Variants in RARS1 observed in about 807,000 individuals in gnomAD.
RARS1 encodes arginyl-tRNA synthetase 1.
RARS1 carries 75 observed loss-of-function variants against 78.7 expected under a neutral mutation model. The observed-to-expected ratio is 0.95, with a 90% CI of 0.79 to 1.15. The LOEUF (loss-of-function observed/expected upper bound fraction) is 1.15. Ranked by LOEUF, RARS1 falls within the 50% of genes most tolerant of loss-of-function variation. The pLI is 0.00. For synonymous variants in RARS1, 273 were observed against 268.2 expected (o/e 1.02, Z -0.18); for missense variants, 787 against 787.5 (o/e 1.00, Z 0.01).
intron 14 of RARS1, 26 bp downstream of exon 14, chr5:168,518,088 T>TTTTTTTTTTTTTTTTTTTTTTTTTG (rs1758712821): frequency 7.0e-7 from 1 of 1,429,080 alleles, no homozygotes. Context: ...TTTTTTTTTT[T>TTTTTTTTTTTTTTTTTTTTTTTTTG]TTTTTTTAGT....
At chr5:168,488,138 T>A (rs1758006093) in intron 1 of RARS1, 1 of 374,208 alleles carries the variant, frequency 2.7e-6, no homozygotes, top group Non-Finnish European at 5.2e-6. Flanking sequence ...TTCTTTTTCT[T>A]TTTTTTTGAA....
In RARS1 at chr5:168,488,610, G is replaced by T; in HGVS notation, c.54G>T (p.Glu18Asp). 3.7e-6 allele frequency: 6 copies of T among 1,604,974 alleles called. 1 individual carries two copies. The South Asian group carries it at 6.8e-5, about 18-fold the overall frequency. ...TGCTTTTTTTCCCACAGGAAGAAGAGATTAAATCTCTGACTGCTGAAATTG... is the reference window on the plus strand; with the variant it reads ...TGCTTTTTTTCCCACAGGAAGAAGATATTAAATCTCTGACTGCTGAAATTG... ...CSARLLQQEEEIKSLTAEIDR... is the reference protein window; with the variant it reads ...CSARLLQQEEDIKSLTAEIDR... The change falls in exon 2 of 15, where the codon GAG becomes GAT. Residue 18 changes from glutamate (E) to aspartate (D), a missense_variant. Physicochemically the swap from Glu to Asp is conservative, Grantham distance 45 (BLOSUM62 2). Transcript: ENST00000231572.
rs750173629 is a variant in RARS1 at position 168,492,816 on chromosome 5, A to G, written c.338A>G (p.Tyr113Cys). Residue 113 changes from tyrosine to cysteine, a missense_variant, in exon 3 of 15, where the codon TAT (tyrosine) becomes TGT (cysteine). Physicochemically the swap from Tyr to Cys is radical, Grantham distance 194 (BLOSUM62 -2). Coordinates refer to ENST00000231572, the MANE Select transcript of RARS1 (RefSeq NM_002887.4). ...TPSQQAKFGDYQCNSAMGISQ... is the reference protein window; with the variant it reads ...TPSQQAKFGDCQCNSAMGISQ... ...AGTCAGCAGGCCAAGTTTGGGGACT[A>G]TCAGTGTAATAGTGCTATGGGTATT... 1 of 1,613,716 alleles carries G rather than the reference A, an allele frequency of 6.2e-7. No individual in the cohort carries two copies. Among genetic ancestry groups the G allele is most frequent in the Non-Finnish European group, 8.5e-7 (1 of 1,179,634 alleles).
intron 5 of RARS1, 151 bp from the exon 6 acceptor site, chr5:168,495,163 AC>A (rs1758158585): frequency 1.5e-6 from 2 of 1,312,582 alleles, no homozygotes; most frequent in Admixed American, 5.0e-5. Flanking sequence ...TGGTTGAATT[AC>A]GGCCCAAATT....
At chr5:168,511,611 G>A (rs1210499324) in intron 12 of RARS1, among the ~76,000 whole-genome samples, 1 of 152,104 alleles carries the variant, frequency 6.6e-6, no homozygotes, top group Non-Finnish European at 1.5e-5. Context: ...TCTGCCTGAT[G>A]ACAAAAATTG....
intron 4 of RARS1, 41 bp from the exon 5 acceptor site, chr5:168,494,509 G>A (rs762630451): frequency 6.2e-7 from 1 of 1,603,948 alleles, no homozygotes; most frequent in African/African-American, 1.3e-5. Flanking sequence ...GATTATTCAA[G>A]ATAAGACAGT....
At position 168,506,711 on chromosome 5, in the gene RARS1, T is replaced by A. The variant is rs530944964; in HGVS notation, c.1237-11T>A. ...AGAAGACTAGCAAGTAACTTTCCGTTTCTGTTGTAGTCTGTGCACTTCCAG... is the reference window on the plus strand; with the variant it reads ...AGAAGACTAGCAAGTAACTTTCCGTATCTGTTGTAGTCTGTGCACTTCCAG... On this transcript the variant is annotated splice_polypyrimidine_tract_variant and intron_variant, in intron 10 of 14. Transcript: ENST00000231572. 6.3e-7 allele frequency: 1 copy of A among 1,588,164 alleles called. No individual in the cohort carries two copies. Among genetic ancestry groups the A allele is most frequent in the Non-Finnish European group, 8.6e-7 (1 of 1,164,788 alleles).
chr5:168,494,326 T>C, intron 4 of RARS1: 1 of 985,366 alleles, frequency 1.0e-6, no homozygotes, highest in Non-Finnish European at 1.2e-6. Flanking sequence ...TTGCTGAAAG[T>C]GAAAGGGCCC....
chr5:168,514,695 T>TTAAC (rs1230856326), intron 12 of RARS1, among the ~76,000 whole-genome samples: 1 of 152,206 alleles, frequency 6.6e-6, no homozygotes, highest in African/African-American at 2.4e-5. Context: ...TACAATACCA[T>TTAAC]TAACTAATCT....
intron 7 of RARS1, 46 bp from the exon 8 acceptor site, chr5:168,500,545 T>C (rs186092341): frequency 7.2e-7 from 1 of 1,391,410 alleles, no homozygotes; most frequent in African/African-American, 1.5e-5. Context: ...AATACAGGAT[T>C]AGATCTTTTT....
At chr5:168,487,492 A>G (rs1324689479) in intron 1 of RARS1, among the ~76,000 whole-genome samples, 1 of 152,212 alleles carries the variant, frequency 6.6e-6, no homozygotes, top group Non-Finnish European at 1.5e-5. Flanking sequence ...CAGCAGTCAC[A>G]AAGTACAAGT....
intron 12 of RARS1, among the ~76,000 whole-genome samples, chr5:168,512,705 A>G (rs1311067812): frequency 6.6e-6 from 1 of 152,170 alleles, no homozygotes; most frequent in Non-Finnish European, 1.5e-5. Flanking sequence ...CCGAGAAGCT[A>G]GGCCAGTCTC....
At position 168,492,828 on chromosome 5, in the gene RARS1, G is replaced by A; in HGVS notation, c.350G>A (p.Ser117Asn). Reference protein sequence around the residue: ...QAKFGDYQCNSAMGISQMLKT... With the variant: ...QAKFGDYQCNNAMGISQMLKT... ...AAGTTTGGGGACTATCAGTGTAATA[G>A]TGCTATGGGTATTTCTCAGGTGATG... Residue 117 changes from serine to asparagine, a missense_variant, in exon 3 of 15, where the codon AGT becomes AAT. Coordinates refer to ENST00000231572, the MANE Select transcript of RARS1 (RefSeq NM_002887.4). 1.2e-6 allele frequency: 2 copies of A among 1,607,650 alleles called. No individual in the cohort carries two copies. The highest frequency in any genetic ancestry group is 1.7e-6 in the Non-Finnish European group (2 of 1,174,564).
chr5:168,507,961 G>C (rs1241941904), intron 11 of RARS1, among the ~76,000 whole-genome samples: 1 of 151,890 alleles, frequency 6.6e-6, no homozygotes, highest in Non-Finnish European at 1.5e-5. Context: ...CGACGTGGAA[G>C]TTACAGTGAG....
chr5:168,501,884 A>G (rs1758332478), intron 8 of RARS1, 117 bp from the exon 9 acceptor site: 1 of 1,391,048 alleles, frequency 7.2e-7, no homozygotes, highest in East Asian at 2.7e-5. Flanking sequence ...TTTTTTATGT[A>G]ATTAATTTCC....
At chr5:168,502,380 A>ATTTT (rs199969391) in intron 9 of RARS1, among the ~76,000 whole-genome samples, 12 of 98,094 alleles carry the variant, frequency 1.2e-4, no homozygotes, top group African/African-American at 4.1e-4. Context: ...ATATATATAT[A>ATTTT]TATATTTTTT....
chr5:168,486,554 A>C lies in RARS1; in HGVS notation c.45+11A>C. The C allele has an allele frequency of 6.4e-7, 1 of 1,555,602 alleles. No homozygotes were observed. Among genetic ancestry groups the C allele is most frequent in the Non-Finnish European group, 8.7e-7 (1 of 1,148,798 alleles). The stretch of plus-strand genomic sequence containing the variant: ...CGGCTGCTGCAGCAGGTTTGGACGC[A>C]GGAGACCGGCGGGAAGGCCTGAAAG... On this transcript the variant is annotated intron_variant, in intron 1 of 14. Coordinates refer to ENST00000231572, the MANE Select transcript of RARS1 (RefSeq NM_002887.4).
At position 168,492,735 on chromosome 5, in the gene RARS1, A is replaced by G. The variant is rs1758110622; in HGVS notation, c.257A>G (p.His86Arg). ...AGCCGCCTACAAGAGGTCTTTGGTC[A>G]TGCAATTAAGGCTGCATATCCAGAT... The part of the protein sequence containing the change: ...IISRLQEVFG[H>R]AIKAAYPDLE... Residue 86 changes from histidine to arginine, a missense_variant, in exon 3 of 15, where the codon CAT (histidine) becomes CGT (arginine). His to Arg is a conservative substitution (Grantham distance 29). Coordinates refer to ENST00000231572, the MANE Select transcript of RARS1 (RefSeq NM_002887.4). The G allele has an allele frequency of 1.2e-6, 2 of 1,613,276 alleles. No individual in the cohort carries two copies. Among genetic ancestry groups the G allele is most frequent in the Admixed American group, 1.7e-5 (1 of 60,024 alleles).
chr5:168,500,621 G>T lies in RARS1; in HGVS notation c.853G>T (p.Glu285Ter). Reference sequence around the variant, plus strand: ...TAAGAAGAGGTTTGATACTGAGGAGGAATTTAAGAAGCGAGCATATCAGTG... The same window carrying T: ...TAAGAAGAGGTTTGATACTGAGGAGTAATTTAAGAAGCGAGCATATCAGTG... ...ESKKRFDTEEEFKKRAYQCVV... is the reference protein window; with the variant it reads ...ESKKRFDTEE Residue 285 changes from glutamate to a stop codon, truncating the protein, a stop_gained, in exon 8 of 15, where the codon GAA becomes TAA. Transcript: ENST00000231572. LOFTEE classifies it high-confidence loss of function. The T allele has an allele frequency of 6.3e-7, 1 of 1,594,436 alleles. No individual in the cohort carries two copies. The highest frequency in any genetic ancestry group is 1.1e-5 in the South Asian group (1 of 87,442).
Sources: allele counts gnomAD v4.1 joint callset (sites outside exome capture counted in the v4.1 genomes callset), GRCh38; gene constraint gnomAD v4.1.1; transcripts MANE v1.5; gene names NCBI Gene and HGNC (gene_info 2026-07-23, HGNC 2026-07-21).